CACNB2: variants seen among roughly 807,000 people sequenced by gnomAD.
CACNB2 encodes the protein calcium voltage-gated channel auxiliary subunit beta 2, also known as voltage-dependent L-type calcium channel subunit beta-2.
Under a neutral mutation model 73.3 loss-of-function variants are expected in CACNB2, and 42 were observed. The ratio of observed to expected loss-of-function variants is 0.57; its 90% CI spans 0.45 to 0.74. CACNB2 has a LOEUF of 0.74. Among genes scored for constraint, CACNB2 ranks in the 30% least tolerant of loss-of-function variants. CACNB2 has a pLI of 0.00. For synonymous variants in CACNB2, 348 were observed against 310.3 expected, an observed-to-expected ratio of 1.12 and a Z score of -1.28; for missense variants, 940 against 853.0, an observed-to-expected ratio of 1.10 and a Z score of -1.27.
chr10:18,184,535 TCA>T (rs550321960), intron 2 of CACNB2, among the ~76,000 whole-genome samples: 4 of 152,126 alleles, frequency 2.6e-5, no homozygotes, highest in African/African-American at 7.2e-5. Context: ...TCAAATTTTC[TCA>T]GTTTTTCCTT....
chr10:18,403,496 C>G (rs181898156), intron 3 of CACNB2, among the ~76,000 whole-genome samples: 21 of 152,156 alleles, frequency 1.4e-4, no homozygotes, highest in African/African-American at 4.8e-4. Flanking sequence ...TTTCACATAC[C>G]AAAATTGAAC....
At chr10:18,199,979 GTGTGTC>G (rs1397705111) in intron 2 of CACNB2, among the ~76,000 whole-genome samples, 45 of 142,910 alleles carry the variant, frequency 3.1e-4, no homozygotes, top group African/African-American at 1.3e-3. Context: ...GTGTGTGTGT[GTGTGTC>G]TGTATTGTTG....
chr10:18,489,822 A>AC (rs1397990791), intron 3 of CACNB2, among the ~76,000 whole-genome samples: 3 of 152,146 alleles, frequency 2.0e-5, no homozygotes, highest in Non-Finnish European at 4.4e-5. Flanking sequence ...CTTCTCAACA[A>AC]ATATTGATTG....
intron 3 of CACNB2, among the ~76,000 whole-genome samples, chr10:18,454,311 A>G (rs1413990035): frequency 6.6e-6 from 1 of 152,218 alleles, no homozygotes; most frequent in Non-Finnish European, 1.5e-5. Flanking sequence ...TATTAACATT[A>G]ATGTTTCATT....
chr10:18,325,222 C>T (rs1380665473), intron 2 of CACNB2, among the ~76,000 whole-genome samples: 1 of 152,210 alleles, frequency 6.6e-6, no homozygotes. Context: ...CAGGATCCCA[C>T]TTTGTCTCCC....
chr10:18,430,188 T>A (rs751951254), intron 3 of CACNB2, among the ~76,000 whole-genome samples: 2 of 152,016 alleles, frequency 1.3e-5, no homozygotes, highest in African/African-American at 2.4e-5. Context: ...AACCGTGTTT[T>A]TTAAGTAGAA....
intron 2 of CACNB2, among the ~76,000 whole-genome samples, chr10:18,255,082 T>C (rs970453332): frequency 6.6e-6 from 1 of 152,054 alleles, no homozygotes; most frequent in African/African-American, 2.4e-5. Context: ...CAATCTGTCT[T>C]CAACTGTCCT....
chr10:18,275,737 T>C (rs2038256939), intron 2 of CACNB2, among the ~76,000 whole-genome samples: 1 of 152,218 alleles, frequency 6.6e-6, no homozygotes, highest in African/African-American at 2.4e-5. Flanking sequence ...CTCATCATGG[T>C]TTTAAAAATT....
chr10:18,412,313 C>G (rs1418495496), intron 3 of CACNB2, among the ~76,000 whole-genome samples: 1 of 152,198 alleles, frequency 6.6e-6, no homozygotes, highest in Non-Finnish European at 1.5e-5. Context: ...TTTCTGCAAA[C>G]AACCTGCCAC....
chr10:18,239,568 C>G (rs2036571784), intron 2 of CACNB2, among the ~76,000 whole-genome samples: 1 of 152,134 alleles, frequency 6.6e-6, no homozygotes, highest in Admixed American at 6.5e-5. Flanking sequence ...TTTATCCAGT[C>G]ATACATTGAT....
intron 2 of CACNB2, among the ~76,000 whole-genome samples, chr10:18,392,406 G>A (rs937654696): frequency 3.3e-5 from 5 of 152,190 alleles, no homozygotes; most frequent in Non-Finnish European, 7.3e-5. Context: ...AGCCATCGAT[G>A]TAGCCTTAGA....
intron 2 of CACNB2, among the ~76,000 whole-genome samples, chr10:18,345,763 C>T (rs191919869): frequency 4.0e-4 from 61 of 152,204 alleles, no homozygotes; most frequent in Admixed American, 1.3e-3. Flanking sequence ...ATAGAGTATT[C>T]GCATAATTAG....
intron 3 of CACNB2, among the ~76,000 whole-genome samples, chr10:18,497,725 C>A (rs893040661): frequency 1.3e-5 from 2 of 152,100 alleles, no homozygotes; most frequent in Admixed American, 6.5e-5. Flanking sequence ...ACTCCTGGCC[C>A]TTTATCTGTA....
At chr10:18,273,287 C>G (rs74533422) in intron 2 of CACNB2, among the ~76,000 whole-genome samples, 2 of 151,972 alleles carry the variant, frequency 1.3e-5, no homozygotes, top group African/African-American at 2.4e-5. Flanking sequence ...GCTACTTGAT[C>G]GGCTCTCTCA....
chr10:18,430,481 T>A (rs2045834834), intron 3 of CACNB2, among the ~76,000 whole-genome samples: 1 of 152,048 alleles, frequency 6.6e-6, no homozygotes, highest in African/African-American at 2.4e-5. Flanking sequence ...AATTAATTAA[T>A]TAACTGGGTG....
intron 3 of CACNB2, among the ~76,000 whole-genome samples, chr10:18,444,364 A>G (rs4748466): frequency 0.11 from 17,199 of 152,194 alleles, 1,216 homozygotes; most frequent in South Asian, 0.24. Context: ...TCTATCACTT[A>G]TTTCACTGTG....
chr10:18,275,556 G>T (rs774169522), intron 2 of CACNB2, among the ~76,000 whole-genome samples: 1 of 151,962 alleles, frequency 6.6e-6, no homozygotes, highest in Non-Finnish European at 1.5e-5. Flanking sequence ...CATGGCACAC[G>T]TTTACCTATG....
chr10:18,357,815 A>G (rs148055853), intron 2 of CACNB2, among the ~76,000 whole-genome samples: 1 of 152,288 alleles, frequency 6.6e-6, no homozygotes, highest in East Asian at 1.9e-4. Flanking sequence ...CACTGTGTAC[A>G]AGCATCCTGT....
intron 2 of CACNB2, among the ~76,000 whole-genome samples, chr10:18,388,196 A>G (rs1469549136): frequency 2.0e-5 from 3 of 152,174 alleles, no homozygotes; most frequent in Admixed American, 1.3e-4. Flanking sequence ...TCATGCAACA[A>G]AAGATGCTTT....
Sources: allele counts gnomAD v4.1 joint callset (sites outside exome capture counted in the v4.1 genomes callset), GRCh38; gene constraint gnomAD v4.1.1; transcripts MANE v1.5; gene names NCBI Gene and HGNC (gene_info 2026-07-23, HGNC 2026-07-21).